Variants in GSG1L observed in about 807,000 individuals in gnomAD.
GSG1L encodes the protein GSG1 like.
GSG1L carries 24 observed loss-of-function variants against 42.1 expected under a neutral mutation model. That is an observed-to-expected ratio of 0.57 (90% confidence interval 0.41 to 0.80). The LOEUF (loss-of-function observed/expected upper bound fraction) is 0.80. GSG1L is among the 30% of genes least tolerant of loss of function. The pLI, the probability that GSG1L is intolerant of heterozygous loss-of-function variation, is 0.00. For synonymous variants in GSG1L, 215 were observed against 203.5 expected, an observed-to-expected ratio of 1.06 and a Z score of -0.48; for missense variants, 445 against 472.2, an observed-to-expected ratio of 0.94 and a Z score of 0.53.
At chr16:27,960,921 C>T (rs953631329) in intron 2 of GSG1L, among the ~76,000 whole-genome samples, 1 of 152,048 alleles carries the variant, frequency 6.6e-6, no homozygotes, top group Non-Finnish European at 1.5e-5. Context: ...ATCACAAGGC[C>T]AGTAAAACAC....
At chr16:27,916,486 C>CTT (rs35176989) in intron 2 of GSG1L, among the ~76,000 whole-genome samples, 33 of 114,844 alleles carry the variant, frequency 2.9e-4, no homozygotes, top group African/African-American at 8.7e-4. Context: ...ATTTTTAATC[C>CTT]TTTTTTTTTT....
chr16:27,957,397 C>T (rs1171162740), intron 2 of GSG1L, among the ~76,000 whole-genome samples: 1 of 152,120 alleles, frequency 6.6e-6, no homozygotes, highest in African/African-American at 2.4e-5. Flanking sequence ...TGTTGATCTG[C>T]GTTTGTACAT....
chr16:27,810,262 T>G (rs1287155668), intron 5 of GSG1L, among the ~76,000 whole-genome samples: 1 of 152,154 alleles, frequency 6.6e-6, no homozygotes, highest in Non-Finnish European at 1.5e-5. Flanking sequence ...GCAGATTGCT[T>G]GAGCCCAGGA....
intron 2 of GSG1L, among the ~76,000 whole-genome samples, chr16:27,939,252 G>T (rs139836935): frequency 1.3e-4 from 20 of 152,142 alleles, no homozygotes; most frequent in Non-Finnish European, 2.4e-4. Context: ...CTCCAGAGTA[G>T]CTAGGACCAC....
At chr16:28,014,084 C>CT (rs1475529232) in intron 1 of GSG1L, among the ~76,000 whole-genome samples, 1 of 152,210 alleles carries the variant, frequency 6.6e-6, no homozygotes. Context: ...TGCAGGATCT[C>CT]TTTGTTACAG....
intron 5 of GSG1L, among the ~76,000 whole-genome samples, chr16:27,808,093 G>A (rs986131119): frequency 7.0e-6 from 1 of 142,642 alleles, no homozygotes. Context: ...CCTCCCCTCC[G>A]CCCACCCCAG....
At chr16:28,047,367 A>G (rs866753469) in intron 1 of GSG1L, among the ~76,000 whole-genome samples, 1 of 152,222 alleles carries the variant, frequency 6.6e-6, no homozygotes, top group Non-Finnish European at 1.5e-5. Flanking sequence ...TAAAGAAAAA[A>G]AGAAGCAAAA....
chr16:27,829,449 G>T (rs535704524), intron 4 of GSG1L, among the ~76,000 whole-genome samples: 1 of 152,232 alleles, frequency 6.6e-6, no homozygotes, highest in East Asian at 1.9e-4. Context: ...AAGGAGATGG[G>T]GGCAGACACC....
At chr16:27,805,875 G>C (rs1212979230) in intron 6 of GSG1L, among the ~76,000 whole-genome samples, 1 of 151,764 alleles carries the variant, frequency 6.6e-6, no homozygotes, top group Non-Finnish European at 1.5e-5. Context: ...ACAGTGCCTT[G>C]ACTCTTCCAG....
intron 1 of GSG1L, among the ~76,000 whole-genome samples, chr16:27,984,616 T>C (rs115284528): frequency 5.9e-4 from 90 of 152,302 alleles, no homozygotes; most frequent in African/African-American, 2.1e-3. Context: ...ATTCAGGTTA[T>C]AATTTTTTTT....
intron 1 of GSG1L, among the ~76,000 whole-genome samples, chr16:28,035,071 G>A (rs1473402816): frequency 6.6e-6 from 1 of 152,150 alleles, no homozygotes; most frequent in East Asian, 1.9e-4. Context: ...CTGGAGTGCA[G>A]TGGCATGATC....
At chr16:27,904,311 C>T (rs562534195) in intron 2 of GSG1L, among the ~76,000 whole-genome samples, 20 of 152,090 alleles carry the variant, frequency 1.3e-4, no homozygotes, top group African/African-American at 3.6e-4. Context: ...GTCAAGTGAT[C>T]CTCCTGTCTC....
rs74015166 is a variant in GSG1L, at chr16:27,933,943, G to A, written c.397+29213C>T. Among the ~76,000 whole-genome samples, 555 of 152,250 alleles carry A rather than the reference G, an allele frequency of 3.6e-3. 9 individuals carry two copies. The highest frequency in any genetic ancestry group is 0.013 in the African/African-American group (520 of 41,532). On this transcript the variant is annotated intron_variant, in intron 2 of 6. Transcript: ENST00000447459. ...TATTTTGAACCCTGCCACCCTCCAC[G>A]GGGAGGATGAAGGGCTTGGAGTTGA...
chr16:27,902,482 G>A (rs2084271082), intron 2 of GSG1L, among the ~76,000 whole-genome samples: 1 of 152,156 alleles, frequency 6.6e-6, no homozygotes, highest in African/African-American at 2.4e-5. Flanking sequence ...GGAAGGAGGG[G>A]GTGGTGAGGC....
At chr16:27,995,444 A>C (rs977915483) in intron 1 of GSG1L, among the ~76,000 whole-genome samples, 1 of 152,192 alleles carries the variant, frequency 6.6e-6, no homozygotes, top group African/African-American at 2.4e-5. Flanking sequence ...TAGTTGGAAC[A>C]CCTCGATGCT....
At chr16:27,903,890 C>T (rs1288968221) in intron 2 of GSG1L, among the ~76,000 whole-genome samples, 1 of 152,116 alleles carries the variant, frequency 6.6e-6, no homozygotes, top group African/African-American at 2.4e-5. Flanking sequence ...CAGCGGTCAC[C>T]TGTACAATGG....
chr16:28,042,861 T>C (rs1208086416), intron 1 of GSG1L, among the ~76,000 whole-genome samples: 1 of 152,114 alleles, frequency 6.6e-6, no homozygotes, highest in East Asian at 1.9e-4. Context: ...ACAACAGATT[T>C]AGCCAAGGAG....
chr16:28,011,280 C>A (rs565395156), intron 1 of GSG1L, among the ~76,000 whole-genome samples: 4 of 152,322 alleles, frequency 2.6e-5, no homozygotes, highest in Admixed American at 2.0e-4. Flanking sequence ...CGCCACTGCC[C>A]GAGAGAGCCT....
At chr16:28,049,504 G>T (rs555771759) in intron 1 of GSG1L, among the ~76,000 whole-genome samples, 10 of 149,762 alleles carry the variant, frequency 6.7e-5, no homozygotes, top group Admixed American at 2.0e-4. Context: ...AACATAGCAA[G>T]ACCCCACCTC....
Sources: allele counts gnomAD v4.1 joint callset (sites outside exome capture counted in the v4.1 genomes callset), GRCh38; gene constraint gnomAD v4.1.1; transcripts MANE v1.5; gene names NCBI Gene and HGNC (gene_info 2026-07-23, HGNC 2026-07-21).